The following NDUFA1 variants were observed in gnomAD, a reference collection of about 807,000 sequenced individuals.
NDUFA1 encodes the protein NADH:ubiquinone oxidoreductase subunit A1, also known as NADH dehydrogenase [ubiquinone] 1 alpha subcomplex subunit 1.
For synonymous variants in NDUFA1, 21 were observed against 20.0 expected (o/e 1.05, Z -0.14); for missense variants, 42 against 56.0 (o/e 0.75, Z 0.80).
At position 119,873,259 on chromosome X, in the gene NDUFA1, C is replaced by T. The variant is rs773493563; in HGVS notation, c.103-45C>T. 5.0e-6 allele frequency: 5 copies of T among 1,003,728 alleles called. No homozygotes were observed. In the Admixed American group the frequency reaches 1.1e-4, roughly 22 times the overall value. 82.7% of individuals were successfully genotyped at this position (1,003,728 alleles called of 1,213,427 possible). A position where few individuals can be genotyped will look rare whatever the true frequency, so the allele number is the denominator to read the frequency against. On this transcript the variant is annotated intron_variant, in intron 1 of 2. Coordinates refer to ENST00000371437, the MANE Select transcript of NDUFA1 (RefSeq NM_004541.4). ...AAATTGTAGTATCTATCAATTGGGT[C>T]ACTCACTTTTATAAACTGCAACAAT...
At chrX:119,873,554 T>A (rs2056424852) in intron 2 of NDUFA1, among the ~76,000 whole-genome samples, 161 bp downstream of exon 2, 1 of 110,890 alleles carries the variant, frequency 9.0e-6, no homozygotes, top group Non-Finnish European at 1.9e-5. Flanking sequence ...TTCTTTTTTT[T>A]TTTTAGTTTT....
rs2056434002 is a variant in NDUFA1 at position 119,875,519 on chromosome X, C to G, written c.193-995C>G. 3.7e-5 allele frequency among the ~76,000 whole-genome samples: 4 copies of G among 109,076 alleles called. No homozygotes were observed. The Admixed American group carries it at 4.0e-4, about 11-fold the overall frequency. 94.7% of individuals were successfully genotyped at this position (109,076 alleles called of 115,157 possible). A position where few individuals can be genotyped will look rare whatever the true frequency, so the allele number is the denominator to read the frequency against. On this transcript the variant is annotated intron_variant, in intron 2 of 2. Coordinates refer to ENST00000371437, the MANE Select transcript of NDUFA1 (RefSeq NM_004541.4). ...TAGAGACAGGGTTTCACCATCTTGG[C>G]CAGGCTGATCTTGAACTCCTGACCT...
At chrX:119,872,090 C>T in intron 1 of NDUFA1, 77 bp downstream of exon 1, 1 of 1,001,268 alleles carries the variant, frequency 1.0e-6, no homozygotes, top group Non-Finnish European at 1.4e-6. Flanking sequence ...GACCGTCAGC[C>T]TGCGAACCCT....
rs369979165 is a variant in NDUFA1, at chrX:119,873,404, A to C, written c.192+11A>C. 3.4e-6 allele frequency: 4 copies of C among 1,193,644 alleles called. No homozygotes were observed. The highest frequency in any genetic ancestry group is 4.5e-6 in the Non-Finnish European group (4 of 880,878). On this transcript the variant is annotated intron_variant, in intron 2 of 2. Coordinates refer to ENST00000371437, the MANE Select transcript of NDUFA1 (RefSeq NM_004541.4). Reference sequence around the variant, plus strand: ...TACTATGTGTCAAAGGTAAGATGCCACTCTGATGCCAGCCTTTTGCCAGGG... The same window carrying C: ...TACTATGTGTCAAAGGTAAGATGCCCCTCTGATGCCAGCCTTTTGCCAGGG...
chrX:119,876,587 C>T lies in NDUFA1; in HGVS notation c.*53C>T. On this transcript the variant is annotated 3_prime_UTR_variant, in exon 3 of 3. Transcript: ENST00000371437. ...AATAACTCAGTTATGGCCATCTACC[C>T]CTGCTAGAAGGTTACAGTGTATTAT... The T allele has an allele frequency of 1.8e-6, 2 of 1,090,553 alleles. No individual in the cohort carries two copies. The highest frequency in any genetic ancestry group is 1.8e-5 in the South Asian group (1 of 54,208). The allele number at this position is 1,090,553 out of a possible 1,213,427, so 89.9% of individuals were successfully genotyped here.
Position 119,873,376 on chromosome X carries a change from C to T in NDUFA1, c.175C>T (p.Arg59Cys), listed in dbSNP as rs780641472. The T allele has an allele frequency of 2.5e-6, 3 of 1,209,629 alleles. No individual in the cohort carries two copies. Among genetic ancestry groups the T allele is most frequent in the Non-Finnish European group, 3.4e-6 (3 of 894,094 alleles). The change falls in exon 2 of 3, where the codon CGT (arginine) becomes TGT (cysteine). Residue 59 changes from arginine (R) to cysteine (C), a missense_variant. Transcript: ENST00000371437. ...AGATAGGCGCATCTCTGGAGTTGAT[C>T]GTTACTATGTGTCAAAGGTAAGATG... ...ERDRRISGVD[R>C]YYVSKGLENI...
intron 2 of NDUFA1, among the ~76,000 whole-genome samples, chrX:119,875,603 C>A (rs749233230): frequency 4.5e-5 from 5 of 110,381 alleles, no homozygotes; most frequent in African/African-American, 1.6e-4. Flanking sequence ...AGCCACCACG[C>A]CAGGTGTAAT....
chrX:119,875,317 CTTTT>C (rs61235666), intron 2 of NDUFA1, among the ~76,000 whole-genome samples: 4 of 59,620 alleles, frequency 6.7e-5, no homozygotes, highest in African/African-American at 1.5e-4. Flanking sequence ...ACTGATGAGT[CTTTT>C]TTTTTTTTTT....
intron 2 of NDUFA1, among the ~76,000 whole-genome samples, chrX:119,874,398 C>G (rs984631079): frequency 1.8e-5 from 2 of 110,116 alleles, no homozygotes; most frequent in Non-Finnish European, 3.8e-5. Context: ...CTTTTCTATA[C>G]TCTAGGTCTG....
intron 2 of NDUFA1, among the ~76,000 whole-genome samples, chrX:119,875,296 G>T (rs1273491965): frequency 1.9e-5 from 2 of 102,774 alleles, no homozygotes; most frequent in African/African-American, 3.6e-5. Flanking sequence ...ATACCTAGAA[G>T]AAGTGTCATC....
At chrX:119,874,382 G>C (rs1316541628) in intron 2 of NDUFA1, among the ~76,000 whole-genome samples, 2 of 109,881 alleles carry the variant, frequency 1.8e-5, no homozygotes, top group African/African-American at 6.6e-5. Context: ...CTGTTTCACG[G>C]ATGTGCTTTT....
At position 119,873,469 on chromosome X, in the gene NDUFA1, A is replaced by G. The variant is rs957777334; in HGVS notation, c.192+76A>G. 6 of 775,392 alleles carry G rather than the reference A, an allele frequency of 7.7e-6. No homozygotes were observed. The African/African-American group carries it at 1.0e-4, about 13-fold the overall frequency. The allele number at this position is 775,392 out of a possible 1,213,427, so 63.9% of individuals were successfully genotyped here. A position where few individuals can be genotyped will look rare whatever the true frequency, so the allele number is the denominator to read the frequency against. ...GGTAATGCCTTGCCAAGGGTCATAC[A>G]GTGCTAATATATAACTAGCATTTTC... is the stretch of plus-strand genomic sequence containing the variant. On this transcript the variant is annotated intron_variant, in intron 2 of 2. Transcript: ENST00000371437.
chrX:119,875,130 C>T (rs988073207), intron 2 of NDUFA1, among the ~76,000 whole-genome samples: 1 of 110,463 alleles, frequency 9.1e-6, no homozygotes, highest in Non-Finnish European at 1.9e-5. Flanking sequence ...AGCCATATTT[C>T]TCAAAGTATG....
At chrX:119,873,683 A>G (rs746541894) in intron 2 of NDUFA1, among the ~76,000 whole-genome samples, 1 of 104,995 alleles carries the variant, frequency 9.5e-6, no homozygotes, top group Non-Finnish European at 2.0e-5. Flanking sequence ...TTTTTTGTCT[A>G]TTTTATATAT....
intron 2 of NDUFA1, among the ~76,000 whole-genome samples, chrX:119,874,309 C>T (rs1035910106): frequency 5.7e-5 from 6 of 105,799 alleles, no homozygotes; most frequent in East Asian, 2.9e-4. Flanking sequence ...AACCACCAAG[C>T]ACCCAATTTA....
Position 119,873,179 on chromosome X carries a change from T to C in NDUFA1, c.103-125T>C, listed in dbSNP as rs1030648703. On this transcript the variant is annotated intron_variant, in intron 1 of 2. Coordinates refer to ENST00000371437, the MANE Select transcript of NDUFA1 (RefSeq NM_004541.4). Reference sequence around the variant, plus strand: ...TAGGAGATTCTGTTCTTTGTACTACTAATTTGCATTTTTATTTAAACGATG... The same window carrying C: ...TAGGAGATTCTGTTCTTTGTACTACCAATTTGCATTTTTATTTAAACGATG... 9.2e-6 allele frequency: 5 copies of C among 541,163 alleles called. No individual in the cohort carries two copies. In the African/African-American group the frequency reaches 1.2e-4, roughly 13 times the overall value. 44.6% of individuals were successfully genotyped at this position (541,163 alleles called of 1,213,427 possible).
At chrX:119,876,149 G>C (rs1373726712) in intron 2 of NDUFA1, among the ~76,000 whole-genome samples, 1 of 106,452 alleles carries the variant, frequency 9.4e-6, no homozygotes, top group Non-Finnish European at 1.9e-5. Flanking sequence ...AGGTTGCAGT[G>C]AGGCAAGATC....
At chrX:119,873,488 C>A in intron 2 of NDUFA1, 95 bp downstream of exon 2, 1 of 625,917 alleles carries the variant, frequency 1.6e-6, no homozygotes, top group Non-Finnish European at 2.7e-6. Flanking sequence ...ATATAACTAG[C>A]ATTTTCTTAT....
In NDUFA1 at chrX:119,872,506, A is replaced by T. The variant is rs1603374826; in HGVS notation, c.102+493A>T. 6.4e-5 allele frequency among the ~76,000 whole-genome samples: 7 copies of T among 109,833 alleles called. 1 individual carries two copies. In the South Asian group the frequency reaches 2.8e-3, roughly 44 times the overall value. ...GTGGCGCATGCCTGTAATCCCAGCT[A>T]CTCGGGAGGCTGAGGCAGGAGAATC... On this transcript the variant is annotated intron_variant, in intron 1 of 2. Coordinates refer to ENST00000371437, the MANE Select transcript of NDUFA1 (RefSeq NM_004541.4).
Sources: gnomAD v4.1 joint callset for allele counts (sites outside exome capture counted in the v4.1 genomes callset) on GRCh38, gnomAD v4.1.1 for gene constraint, MANE v1.5 for transcripts, NCBI Gene and HGNC (gene_info 2026-07-23, HGNC 2026-07-21) for gene names.